The following NCK2 variants were observed in gnomAD, a reference collection of about 807,000 sequenced individuals.
NCK2 encodes the protein NCK adaptor protein 2, also known as cytoplasmic protein NCK2.
Under a neutral mutation model 33.9 loss-of-function variants are expected in NCK2, and 16 were observed. The ratio of observed to expected loss-of-function variants is 0.47; its 90% confidence interval spans 0.32 to 0.72. The LOEUF is 0.72. Among genes scored for constraint, NCK2 ranks in the 30% least tolerant of loss-of-function variants. The pLI, the probability that NCK2 is intolerant of heterozygous loss-of-function variation, is 0.03. For missense variants in NCK2, 418 were observed against 537.3 expected (o/e 0.78, Z 2.19); for synonymous variants, 273 against 239.9 (o/e 1.14, Z -1.27).
intron 1 of NCK2, among the ~76,000 whole-genome samples, chr2:105,774,697 G>C (rs7589589): frequency 0.47 from 71,208 of 151,956 alleles, 17,961 homozygotes; most frequent in African/African-American, 0.64. Flanking sequence ...GTGTCAAGTT[G>C]TCTGGGGCCT....
chr2:105,826,501 G>A (rs2104510793), intron 2 of NCK2, among the ~76,000 whole-genome samples: 1 of 152,256 alleles, frequency 6.6e-6, no homozygotes, highest in Non-Finnish European at 1.5e-5. Context: ...TCTCAGGAAT[G>A]GAAAACTTAA....
At position 105,819,507 on chromosome 2, in the gene NCK2, A is replaced by G. The variant is rs140419541; in HGVS notation, c.-17+2894A>G. Among the ~76,000 whole-genome samples, 734 of 152,236 alleles carry G rather than the reference A, an allele frequency of 4.8e-3. 2 individuals are homozygous for G. The highest frequency in any genetic ancestry group is 8.4e-3 in the Non-Finnish European group (574 of 68,008). ...TTTATTAGCATCAGAGTCTGTCACT[A>G]CTTCTTTAGAAAGGTCTTGATCGTC... On this transcript the variant is annotated intron_variant, in intron 2 of 4. Transcript: ENST00000233154.
chr2:105,787,391 G>A (rs1040383287), intron 1 of NCK2, among the ~76,000 whole-genome samples: 4 of 152,182 alleles, frequency 2.6e-5, no homozygotes, highest in Non-Finnish European at 5.9e-5. Context: ...TGAGGAAATA[G>A]GGTTGAGAGT....
intron 1 of NCK2, among the ~76,000 whole-genome samples, chr2:105,765,205 C>T (rs965540204): frequency 1.3e-5 from 2 of 152,132 alleles, no homozygotes; most frequent in East Asian, 1.9e-4. Flanking sequence ...GTAAATGGTC[C>T]CTCCATAAAG....
intron 4 of NCK2, among the ~76,000 whole-genome samples, chr2:105,891,960 TC>T (rs1679004826): frequency 6.6e-6 from 1 of 152,178 alleles, no homozygotes; most frequent in South Asian, 2.1e-4. Flanking sequence ...AAACCATAGT[TC>T]AGCTTCCTCT....
intron 1 of NCK2, among the ~76,000 whole-genome samples, chr2:105,807,383 C>T (rs184347539): frequency 2.3e-3 from 344 of 152,214 alleles, no homozygotes; most frequent in Admixed American, 3.5e-3. Flanking sequence ...GAAAGCCCTC[C>T]GATTTATATA....
intron 4 of NCK2, among the ~76,000 whole-genome samples, chr2:105,888,353 C>T (rs1019757335): frequency 3.3e-5 from 5 of 152,050 alleles, no homozygotes; most frequent in Non-Finnish European, 5.9e-5. Flanking sequence ...AAGAATTTGC[C>T]CAGTAGTCAG....
At chr2:105,828,834 A>C (rs1297641212) in intron 2 of NCK2, among the ~76,000 whole-genome samples, 1 of 152,200 alleles carries the variant, frequency 6.6e-6, no homozygotes, top group Non-Finnish European at 1.5e-5. Context: ...AACTGTACCC[A>C]GTGGCCACTG....
At chr2:105,837,291 A>G (rs1368187916) in intron 2 of NCK2, among the ~76,000 whole-genome samples, 2 of 152,036 alleles carry the variant, frequency 1.3e-5, no homozygotes, top group African/African-American at 2.4e-5. Flanking sequence ...TAGTTTTACC[A>G]CATATGTAAG....
intron 1 of NCK2, among the ~76,000 whole-genome samples, chr2:105,789,323 G>T (rs1405103078): frequency 6.6e-6 from 1 of 152,112 alleles, no homozygotes; most frequent in Non-Finnish European, 1.5e-5. Context: ...GAGTAGCTGG[G>T]ATTACAAGTG....
intron 1 of NCK2, among the ~76,000 whole-genome samples, chr2:105,774,258 C>T (rs1690233595): frequency 1.3e-5 from 2 of 152,086 alleles, no homozygotes; most frequent in Admixed American, 1.3e-4. Flanking sequence ...ATCCCCCCGC[C>T]TCAGTCCTCT....
chr2:105,830,160 G>A (rs758604992), intron 2 of NCK2, among the ~76,000 whole-genome samples: 1 of 151,954 alleles, frequency 6.6e-6, no homozygotes, highest in Non-Finnish European at 1.5e-5. Flanking sequence ...TCAAACACTA[G>A]AACTTATTCC....
chr2:105,877,473 C>G (rs1573238529), intron 3 of NCK2, among the ~76,000 whole-genome samples: 1 of 152,318 alleles, frequency 6.6e-6, no homozygotes, highest in East Asian at 1.9e-4. Flanking sequence ...CCTGCTGAGA[C>G]CTATTAACTG....
At chr2:105,863,575 T>A (rs574393139) in intron 3 of NCK2, among the ~76,000 whole-genome samples, 10 of 152,176 alleles carry the variant, frequency 6.6e-5, no homozygotes, top group Admixed American at 6.5e-4. Context: ...TAAGGCTTAG[T>A]CCCTGACTTT....
At chr2:105,889,688 A>G (rs539048191) in intron 4 of NCK2, among the ~76,000 whole-genome samples, 2 of 149,674 alleles carry the variant, frequency 1.3e-5, no homozygotes, top group South Asian at 4.2e-4. Flanking sequence ...GGCTCAAGTG[A>G]TCCTCCCACC....
chr2:105,855,219 G>A lies in NCK2; in HGVS notation c.156G>A (p.Pro52=), dbSNP rs150156150. ...CGGCCAACAGGACGGGCTATGTACCGTCCAACTACGTGGAGCGGAAGAACA... is the reference window on the plus strand; with the variant it reads ...CGGCCAACAGGACGGGCTATGTACCATCCAACTACGTGGAGCGGAAGAACA... The part of the protein sequence containing the change: ...RNAANRTGYV[P]SNYVERKNSL... The change falls in exon 3 of 5, where the codon CCG becomes CCA. Residue 52 remains proline, a synonymous_variant. Coordinates refer to ENST00000233154, the MANE Select transcript of NCK2 (RefSeq NM_003581.5). 54 of 1,613,868 alleles carry A rather than the reference G, an allele frequency of 3.3e-5. No homozygotes were observed. The highest frequency in any genetic ancestry group is 8.3e-5 in the Admixed American group (5 of 59,976).
chr2:105,809,408 G>A (rs1675208216), intron 1 of NCK2, among the ~76,000 whole-genome samples: 1 of 152,160 alleles, frequency 6.6e-6, no homozygotes, highest in South Asian at 2.1e-4. Context: ...GCTCAGCAGG[G>A]TTGGTTTCTT....
intron 1 of NCK2, 115 bp downstream of exon 1, chr2:105,745,253 G>T (rs1055306234): frequency 6.6e-6 from 1 of 151,392 alleles, no homozygotes; most frequent in Non-Finnish European, 1.5e-5. Context: ...GGCCAGGAGA[G>T]CGGGTCCCCT....
chr2:105,855,038 T>G lies in NCK2; in HGVS notation c.-16-10T>G, dbSNP rs1677203575. On this transcript the variant is annotated splice_polypyrimidine_tract_variant and intron_variant, in intron 2 of 4. Transcript: ENST00000233154. Reference sequence around the variant, plus strand: ...TCTCTAATGAGCATCTCCAAATGTTTTGCTGGCAGAAGGACTCCATGAAAG... The same window carrying G: ...TCTCTAATGAGCATCTCCAAATGTTGTGCTGGCAGAAGGACTCCATGAAAG... The G allele has an allele frequency of 6.2e-7, 1 of 1,601,372 alleles. No individual in the cohort carries two copies. The highest frequency in any genetic ancestry group is 8.6e-7 in the Non-Finnish European group (1 of 1,168,498).
Sources: allele counts gnomAD v4.1 joint callset (sites outside exome capture counted in the v4.1 genomes callset), GRCh38; gene constraint gnomAD v4.1.1; transcripts MANE v1.5; gene names NCBI Gene and HGNC (gene_info 2026-07-23, HGNC 2026-07-21).